The following DLGAP2 variants were observed in gnomAD, a reference collection of about 807,000 sequenced individuals.
The protein encoded by DLGAP2 is DLG associated protein 2.
Under a neutral mutation model 100.3 loss-of-function variants are expected in DLGAP2, and 26 were observed. The observed-to-expected ratio is 0.26, with a 90% CI of 0.19 to 0.36. DLGAP2 has a LOEUF of 0.36. DLGAP2 is among the 10% of genes least tolerant of loss of function. DLGAP2 has a pLI of 1.00. For missense variants in DLGAP2, 1,858 were observed against 1,453.2 expected (o/e 1.28, Z -4.53); for synonymous variants, 886 against 630.1 (o/e 1.41, Z -6.08).
intron 3 of DLGAP2, among the ~76,000 whole-genome samples, chr8:1,329,064 C>T (rs1482858983): frequency 2.0e-5 from 3 of 152,030 alleles, no homozygotes; most frequent in South Asian, 2.1e-4. Flanking sequence ...GGCTAAACTG[C>T]GACAGGCGAC....
intron 3 of DLGAP2, among the ~76,000 whole-genome samples, chr8:1,360,864 C>G (rs958309006): frequency 6.6e-6 from 1 of 152,208 alleles, no homozygotes; most frequent in Admixed American, 6.5e-5. Context: ...GAGATCCAGA[C>G]AGAGACCCGG....
At chr8:856,830 C>G (rs926760922) in intron 1 of DLGAP2, among the ~76,000 whole-genome samples, 4 of 152,156 alleles carry the variant, frequency 2.6e-5, no homozygotes, top group African/African-American at 9.7e-5. Flanking sequence ...AGCGCAGTCC[C>G]CATCAGGATC....
intron 2 of DLGAP2, among the ~76,000 whole-genome samples, chr8:957,374 G>A (rs1041126208): frequency 2.0e-5 from 3 of 152,198 alleles, no homozygotes; most frequent in South Asian, 2.1e-4. Context: ...GTTGTCCTTC[G>A]TTGATCTATA....
intron 2 of DLGAP2, among the ~76,000 whole-genome samples, chr8:1,018,328 A>T (rs1313439843): frequency 6.6e-6 from 1 of 152,232 alleles, no homozygotes; most frequent in Admixed American, 6.5e-5. Flanking sequence ...GCTGTGAAGA[A>T]ACTCAATTGA....
intron 2 of DLGAP2, among the ~76,000 whole-genome samples, chr8:1,110,332 G>C (rs1441131796): frequency 7.4e-6 from 1 of 134,328 alleles, no homozygotes; most frequent in Non-Finnish European, 1.7e-5. Context: ...GGTGTGCACG[G>C]GTCTGTGACA....
In DLGAP2 at chr8:1,383,325, T is replaced by C. The variant is rs370326247; in HGVS notation, c.107-118041T>C. Among the ~76,000 whole-genome samples, 5 of 152,222 alleles carry C rather than the reference T, an allele frequency of 3.3e-5. No individual in the cohort carries two copies. In the East Asian group the frequency reaches 7.7e-4, roughly 23 times the overall value. On this transcript the variant is annotated intron_variant, in intron 3 of 14. Transcript: ENST00000637795. ...AAATATGGAAAAGGTGTTGGAAAAG[T>C]GCTGCTGCCGCCACTTCATGCCAGA... is the stretch of plus-strand genomic sequence containing the variant.
chr8:1,548,331 C>CCAT (rs370965049), intron 4 of DLGAP2, among the ~76,000 whole-genome samples: 1 of 148,568 alleles, frequency 6.7e-6, no homozygotes, highest in African/African-American at 2.5e-5. Context: ...TGGTGGCAGG[C>CCAT]GCCTGTAGTC....
chr8:1,488,171 C>T (rs1799278227), intron 3 of DLGAP2, among the ~76,000 whole-genome samples: 1 of 152,104 alleles, frequency 6.6e-6, no homozygotes, highest in South Asian at 2.1e-4. Context: ...GTCCTTCTTC[C>T]ACACAGTCCT....
intron 2 of DLGAP2, among the ~76,000 whole-genome samples, chr8:1,045,456 C>A (rs1180361137): frequency 1.3e-5 from 2 of 152,168 alleles, no homozygotes; most frequent in Admixed American, 6.5e-5. Context: ...CTAAATTGAG[C>A]TAATTAACGT....
chr8:1,674,889 T>G (rs554760662), intron 10 of DLGAP2, among the ~76,000 whole-genome samples: 23 of 152,348 alleles, frequency 1.5e-4, no homozygotes, highest in African/African-American at 5.0e-4. Context: ...ACATGGAATT[T>G]TAAATGTATT....
At chr8:1,062,224 T>C (rs1305294018) in intron 2 of DLGAP2, among the ~76,000 whole-genome samples, 1 of 152,078 alleles carries the variant, frequency 6.6e-6, no homozygotes, top group Non-Finnish European at 1.5e-5. Flanking sequence ...TCCAGATCCA[T>C]GTTTTCTATT....
At chr8:1,692,728 T>C (rs1049416108) in intron 13 of DLGAP2, among the ~76,000 whole-genome samples, 5 of 152,118 alleles carry the variant, frequency 3.3e-5, no homozygotes, top group Non-Finnish European at 5.9e-5. Flanking sequence ...TAATTTAGCC[T>C]TTGTATTTTA....
At chr8:1,646,419 G>A (rs1225340783) in intron 8 of DLGAP2, among the ~76,000 whole-genome samples, 1 of 151,976 alleles carries the variant, frequency 6.6e-6, no homozygotes, top group Non-Finnish European at 1.5e-5. Context: ...CTCTCTATAT[G>A]TGTTCATCTA....
At chr8:822,071 C>T (rs1372520389) in intron 1 of DLGAP2, 5 of 398,974 alleles carry the variant, frequency 1.3e-5, no homozygotes, top group Middle Eastern at 6.2e-4. Context: ...TTTTCCCCAT[C>T]TCTATCCATT....
intron 3 of DLGAP2, among the ~76,000 whole-genome samples, chr8:1,491,380 G>GGCC (rs144222009): frequency 3.0e-4 from 45 of 152,068 alleles, no homozygotes; most frequent in South Asian, 2.7e-3. Context: ...GGAGGCTTCG[G>GGCC]GCTGCTCCCC....
intron 2 of DLGAP2, among the ~76,000 whole-genome samples, chr8:1,185,136 G>A (rs1254212147): frequency 6.6e-6 from 1 of 152,090 alleles, no homozygotes; most frequent in East Asian, 1.9e-4. Context: ...CACTGGTGGC[G>A]ACGGCATAAC....
intron 3 of DLGAP2, among the ~76,000 whole-genome samples, chr8:1,447,076 C>A (rs1011859665): frequency 6.6e-6 from 1 of 152,152 alleles, no homozygotes; most frequent in African/African-American, 2.4e-5. Context: ...TAATTGAATA[C>A]CCTTTATTTC....
intron 1 of DLGAP2, among the ~76,000 whole-genome samples, chr8:871,603 C>CA: frequency 6.6e-6 from 1 of 152,260 alleles, no homozygotes; most frequent in South Asian, 2.1e-4. Flanking sequence ...AGAGAGCTGA[C>CA]ATGATGCTCA....
At chr8:785,804 TCCTCCCCTCA>T (rs1821844083) in intron 1 of DLGAP2, among the ~76,000 whole-genome samples, 3 of 34,438 alleles carry the variant, frequency 8.7e-5, no homozygotes, top group Non-Finnish European at 1.7e-4. Context: ...CCGGCCTCCC[TCCTCCCCTCA>T]GGCTCCTCTG....
Sources: gnomAD v4.1 joint callset for allele counts (sites outside exome capture counted in the v4.1 genomes callset) on GRCh38, gnomAD v4.1.1 for gene constraint, MANE v1.5 for transcripts, NCBI Gene and HGNC (gene_info 2026-07-23, HGNC 2026-07-21) for gene names.